Variants in SCHIP1 observed in about 807,000 individuals in gnomAD.
The protein encoded by SCHIP1 is schwannomin-interacting protein 1.
In SCHIP1, 8 loss-of-function variants were observed where a neutral mutation model predicts 29.7. The observed-to-expected ratio is 0.27, with a 90% CI of 0.16 to 0.49. SCHIP1 has a LOEUF of 0.49. Among genes scored for constraint, SCHIP1 ranks in the 20% least tolerant of loss-of-function variants. The probability of loss-of-function intolerance (pLI) is 0.99; values close to 1 mark genes in which losing one functional copy is unlikely to be tolerated. For missense variants in SCHIP1, 193 were observed against 294.6 expected (o/e 0.66, Z 2.52); for synonymous variants, 76 against 94.9 (o/e 0.80, Z 1.16).
the SCHIP1 span, among the ~76,000 whole-genome samples, chr3:159,819,487 C>T: frequency 1.3e-5 from 2 of 151,956 alleles, no homozygotes; most frequent in Non-Finnish European, 2.9e-5. Context: ...TCTTCTGAGG[C>T]AAAAAACAAA....
chr3:159,386,238 A>G, the SCHIP1 span, among the ~76,000 whole-genome samples: 1 of 152,158 alleles, frequency 6.6e-6, no homozygotes, highest in African/African-American at 2.4e-5. Flanking sequence ...GTCAAATGGT[A>G]TTTCTGGTTC....
At chr3:159,885,451 G>C (rs1030798461) in intron 2 of SCHIP1, among the ~76,000 whole-genome samples, 2 of 152,232 alleles carry the variant, frequency 1.3e-5, no homozygotes, top group African/African-American at 4.8e-5. Flanking sequence ...ACACGGCCAG[G>C]TTACCCTTTG....
At chr3:159,309,693 A>G in the SCHIP1 span, among the ~76,000 whole-genome samples, 1 of 152,150 alleles carries the variant, frequency 6.6e-6, no homozygotes, top group African/African-American at 2.4e-5. Flanking sequence ...AAGATGAATT[A>G]AAGATGCCTG....
At chr3:159,419,596 G>T in the SCHIP1 span, among the ~76,000 whole-genome samples, 3 of 152,222 alleles carry the variant, frequency 2.0e-5, no homozygotes, top group Admixed American at 1.3e-4. Context: ...ATCACCTGAG[G>T]TCAGGAGTCC....
the SCHIP1 span, among the ~76,000 whole-genome samples, chr3:159,543,692 C>T: frequency 2.6e-5 from 4 of 151,922 alleles, no homozygotes; most frequent in African/African-American, 9.7e-5. Context: ...GTGCATGTGT[C>T]TTTATAGCAG....
chr3:159,758,842 CCT>C, the SCHIP1 span, among the ~76,000 whole-genome samples: 1 of 152,208 alleles, frequency 6.6e-6, no homozygotes, highest in Non-Finnish European at 1.5e-5. Context: ...TGACTGACAC[CCT>C]CTGTGTGACT....
the SCHIP1 span, among the ~76,000 whole-genome samples, chr3:159,491,146 G>C: frequency 6.6e-6 from 1 of 152,182 alleles, no homozygotes; most frequent in Non-Finnish European, 1.5e-5. Flanking sequence ...GGCCGAATAG[G>C]AGCAGCTCCA....
At chr3:159,871,607 A>G (rs972111751) in intron 2 of SCHIP1, among the ~76,000 whole-genome samples, 1 of 152,174 alleles carries the variant, frequency 6.6e-6, no homozygotes, top group Non-Finnish European at 1.5e-5. Context: ...GATGCATCTA[A>G]TTGAAAGTAT....
intron 6 of SCHIP1, among the ~76,000 whole-genome samples, 156 bp from the exon 8 acceptor site, chr3:159,896,567 G>A (rs1175782760): frequency 1.3e-5 from 2 of 152,218 alleles, no homozygotes; most frequent in Non-Finnish European, 2.9e-5. Flanking sequence ...TCAAATCAGA[G>A]TTCAAAGAGT....
At chr3:159,809,182 CTGTGTCCA>C in the SCHIP1 span, among the ~76,000 whole-genome samples, 1 of 150,862 alleles carries the variant, frequency 6.6e-6, no homozygotes, top group Non-Finnish European at 1.5e-5. Context: ...GTTCCCTGCC[CTGTGTCCA>C]TGTGTTCTCA....
At chr3:159,839,197 G>T (rs1248166440), upstream of SCHIP1, among the ~76,000 whole-genome samples, 1 of 151,714 alleles carries the variant, frequency 6.6e-6, no homozygotes, top group African/African-American at 2.4e-5. Flanking sequence ...GGGAGGATGG[G>T]TCTGTTCCAA....
the SCHIP1 span, among the ~76,000 whole-genome samples, chr3:159,441,843 TCTATTATTATTATTA>T: frequency 6.6e-6 from 1 of 151,814 alleles, no homozygotes; most frequent in Non-Finnish European, 1.5e-5. Context: ...AGGCAAGGAT[TCTATTATTATTATTA>T]CTATTATTAT....
the SCHIP1 span, among the ~76,000 whole-genome samples, chr3:159,622,674 T>A: frequency 6.6e-6 from 1 of 152,102 alleles, no homozygotes; most frequent in Non-Finnish European, 1.5e-5. Flanking sequence ...ATCCCAGCAC[T>A]TTGGGAGGCC....
intron 1 of SCHIP1, among the ~76,000 whole-genome samples, chr3:159,847,616 A>G (rs1422100590): frequency 6.6e-6 from 1 of 152,196 alleles, no homozygotes; most frequent in African/African-American, 2.4e-5. Context: ...TGCGATGGTC[A>G]TCAGAGTGAC....
At chr3:159,415,771 T>C in the SCHIP1 span, among the ~76,000 whole-genome samples, 1,352 of 152,298 alleles carry the variant, frequency 8.9e-3, 17 homozygotes, top group African/African-American at 0.031. Context: ...TAAATAAAAA[T>C]ATACAAATTA....
chr3:159,492,892 C>T, the SCHIP1 span, among the ~76,000 whole-genome samples: 2 of 152,222 alleles, frequency 1.3e-5, no homozygotes, highest in Admixed American at 1.3e-4. Context: ...ATCAGACTAA[C>T]AGCTGATCTC....
At chr3:159,467,841 TG>T in the SCHIP1 span, among the ~76,000 whole-genome samples, 1 of 152,150 alleles carries the variant, frequency 6.6e-6, no homozygotes, top group African/African-American at 2.4e-5. Flanking sequence ...ATTGAGTGAT[TG>T]TAAATATCTT....
the SCHIP1 span, among the ~76,000 whole-genome samples, chr3:159,784,115 C>G: frequency 1.3e-5 from 2 of 152,206 alleles, no homozygotes; most frequent in African/African-American, 4.8e-5. Context: ...ATTACCGTGT[C>G]AGAGCACGAC....
chr3:159,295,640 T>C, the SCHIP1 span, among the ~76,000 whole-genome samples: 1 of 152,158 alleles, frequency 6.6e-6, no homozygotes, highest in Non-Finnish European at 1.5e-5. Context: ...TGCTTCCAGG[T>C]CCCATCTCTC....
Sources: allele counts gnomAD v4.1 joint callset (sites outside exome capture counted in the v4.1 genomes callset), GRCh38; gene constraint gnomAD v4.1.1; transcripts MANE v1.5; gene names NCBI Gene and HGNC (gene_info 2026-07-23, HGNC 2026-07-21).